TMEM135: variants seen among roughly 807,000 people sequenced by gnomAD.
TMEM135 encodes transmembrane protein 135.
TMEM135 carries 30 observed loss-of-function variants against 60.3 expected under a neutral mutation model. The observed-to-expected ratio is 0.50, with a 90% CI of 0.37 to 0.68. TMEM135 has a LOEUF of 0.68. Among genes scored for constraint, TMEM135 ranks in the 30% least tolerant of loss-of-function variants. TMEM135 has a pLI of 0.00. For missense variants in TMEM135, 468 were observed against 548.8 expected (o/e 0.85, Z 1.47); for synonymous variants, 190 against 186.7 (o/e 1.02, Z -0.14).
At chr11:87,282,391 A>G (rs1443403802) in intron 6 of TMEM135, among the ~76,000 whole-genome samples, 2 of 152,028 alleles carry the variant, frequency 1.3e-5, no homozygotes, top group African/African-American at 4.8e-5. Context: ...CAGCCTCCCA[A>G]GTAGCTGAGA....
At chr11:87,065,126 G>T (rs903716579) in intron 1 of TMEM135, among the ~76,000 whole-genome samples, 6 of 152,008 alleles carry the variant, frequency 3.9e-5, no homozygotes, top group African/African-American at 1.4e-4. Context: ...GGTTTTTGAC[G>T]ATTGCAGACA....
intron 6 of TMEM135, among the ~76,000 whole-genome samples, chr11:87,248,296 G>C (rs369824345): frequency 2.0e-5 from 3 of 152,164 alleles, no homozygotes; most frequent in African/African-American, 7.2e-5. Flanking sequence ...CATAGTGGTT[G>C]TACTAATTTA....
chr11:87,318,893 T>G (rs1942776588), intron 13 of TMEM135, among the ~76,000 whole-genome samples: 1 of 147,350 alleles, frequency 6.8e-6, no homozygotes. Context: ...TTTTTTGAGA[T>G]GGAATTTTGC....
At chr11:87,160,379 A>G (rs762106321) in intron 5 of TMEM135, among the ~76,000 whole-genome samples, 4 of 152,194 alleles carry the variant, frequency 2.6e-5, no homozygotes, top group Non-Finnish European at 5.9e-5. Flanking sequence ...GTGATACTTT[A>G]TCTTTTAAAA....
In TMEM135 at chr11:87,324,292, C is replaced by G. The variant is rs142434402; in HGVS notation, c.*2959C>G. The G allele has an allele frequency of 2.7e-4, 122 of 454,086 alleles. No homozygotes were observed. Among genetic ancestry groups the G allele is most frequent in the Non-Finnish European group, 4.2e-4 (95 of 226,780 alleles). The allele number at this position is 454,086 out of a possible 1,614,324, so 28.1% of individuals were successfully genotyped here. ...TTCGTCCACTTGCCTGTGTCACAACCTCTCCCTTGGTGCTAATTAGGAAGC... is the reference window on the plus strand; with the variant it reads ...TTCGTCCACTTGCCTGTGTCACAACGTCTCCCTTGGTGCTAATTAGGAAGC... On this transcript the variant is annotated 3_prime_UTR_variant, in exon 15 of 15. Transcript: ENST00000305494.
chr11:87,155,174 T>G (rs979300645), intron 4 of TMEM135, among the ~76,000 whole-genome samples: 3 of 152,024 alleles, frequency 2.0e-5, no homozygotes, highest in Non-Finnish European at 4.4e-5. Flanking sequence ...AATTTATGTG[T>G]TTTTAGTAGA....
rs1293704220 is a variant in TMEM135, at chr11:87,323,266, G to A, written c.*1933G>A. ...CATTTTTTTAAATTTTATGTAAAAT[G>A]TAAAATGAAATAGCTATCATGAAGC... On this transcript the variant is annotated 3_prime_UTR_variant, in exon 15 of 15. Transcript: ENST00000305494. The A allele has an allele frequency of 2.2e-6, 1 of 453,652 alleles. No individual in the cohort carries two copies. Among genetic ancestry groups the A allele is most frequent in the East Asian group, 6.9e-5 (1 of 14,394 alleles). 28.1% of individuals were successfully genotyped at this position (453,652 alleles called of 1,614,324 possible). A position where few individuals can be genotyped will look rare whatever the true frequency, so the allele number is the denominator to read the frequency against.
rs1459814699 is a variant in TMEM135, at chr11:87,313,420, A to C, written c.937-5A>C. Reference sequence around the variant, plus strand: ...CTGAAGTCATTGTATTTTCTCCTTAACTAGGGTACTAGTTGCTTCCTGCGC... The same window carrying C: ...CTGAAGTCATTGTATTTTCTCCTTACCTAGGGTACTAGTTGCTTCCTGCGC... On this transcript the variant is annotated splice_region_variant and splice_polypyrimidine_tract_variant and intron_variant, in intron 10 of 14. Transcript: ENST00000305494. The C allele has an allele frequency of 6.2e-6, 10 of 1,609,158 alleles. No individual in the cohort carries two copies. The highest frequency in any genetic ancestry group is 7.7e-6 in the Non-Finnish European group (9 of 1,176,228).
chr11:87,260,801 G>C (rs994196831), intron 6 of TMEM135, among the ~76,000 whole-genome samples: 7 of 151,696 alleles, frequency 4.6e-5, no homozygotes, highest in Non-Finnish European at 8.8e-5. Context: ...TTAATAAACT[G>C]TTACAAATTT....
At chr11:87,317,145 A>G (rs1167082876) in intron 12 of TMEM135, among the ~76,000 whole-genome samples, 8 of 152,054 alleles carry the variant, frequency 5.3e-5, no homozygotes, top group Admixed American at 4.6e-4. Flanking sequence ...ATATAGAAGT[A>G]TAGGATATGG....
rs1211666782 is a variant in TMEM135, at chr11:87,100,659, C to T, written c.396+9264C>T. ...AGTGGATCACCTAAGGTCAGGAGTT[C>T]GAGACCAGCCTGGCCAACATGGTGA... On this transcript the variant is annotated intron_variant, in intron 4 of 14. Transcript: ENST00000305494. 3.9e-5 allele frequency among the ~76,000 whole-genome samples: 6 copies of T among 152,172 alleles called. No individual in the cohort carries two copies. In the East Asian group the frequency reaches 7.7e-4, roughly 20 times the overall value.
chr11:87,109,806 A>C (rs201010382), intron 4 of TMEM135, among the ~76,000 whole-genome samples: 1 of 141,958 alleles, frequency 7.0e-6, no homozygotes, highest in African/African-American at 2.7e-5. Context: ...ACATACTTTG[A>C]AATAATTTAA....
intron 1 of TMEM135, among the ~76,000 whole-genome samples, chr11:87,061,140 A>G (rs902845158): frequency 6.6e-6 from 1 of 152,220 alleles, no homozygotes; most frequent in Non-Finnish European, 1.5e-5. Flanking sequence ...CACAAGTGCT[A>G]TATAAGCATT....
intron 6 of TMEM135, among the ~76,000 whole-genome samples, chr11:87,289,432 C>T (rs1011094335): frequency 1.5e-5 from 2 of 130,536 alleles, no homozygotes; most frequent in African/African-American, 5.8e-5. Flanking sequence ...CAAATATCTC[C>T]ATATCTTTTT....
intron 5 of TMEM135, among the ~76,000 whole-genome samples, chr11:87,162,395 C>G (rs1231668792): frequency 6.6e-6 from 1 of 152,060 alleles, no homozygotes; most frequent in African/African-American, 2.4e-5. Context: ...CGACAGGCCC[C>G]AGTGTTTGAT....
chr11:87,326,807 A>G lies in TMEM135; in HGVS notation c.*5474A>G. ...TCTGAATCTGAGTCGGCAGTTTTTG[A>G]TAGCCTGTCACTGCTCAGGGATAGC... On this transcript the variant is annotated 3_prime_UTR_variant, in exon 15 of 15. Transcript: ENST00000305494. 1 of 445,864 alleles carries G rather than the reference A, an allele frequency of 2.2e-6. No individual in the cohort carries two copies. The highest frequency in any genetic ancestry group is 4.4e-6 in the Non-Finnish European group (1 of 224,866). The allele number at this position is 445,864 out of a possible 1,614,324, so 27.6% of individuals were successfully genotyped here. A position where few individuals can be genotyped will look rare whatever the true frequency, so the allele number is the denominator to read the frequency against.
At chr11:87,162,115 A>G (rs1295470072) in intron 5 of TMEM135, among the ~76,000 whole-genome samples, 1 of 152,210 alleles carries the variant, frequency 6.6e-6, no homozygotes, top group Non-Finnish European at 1.5e-5. Flanking sequence ...AAGCTCAGGT[A>G]ATTTAAATAA....
chr11:87,079,626 A>G (rs1856944051), intron 3 of TMEM135, among the ~76,000 whole-genome samples: 1 of 151,072 alleles, frequency 6.6e-6, no homozygotes, highest in African/African-American at 2.4e-5. Flanking sequence ...TGTATCTTGT[A>G]TCTGCTCTTA....
chr11:87,280,731 T>C (rs1221922793), intron 6 of TMEM135, among the ~76,000 whole-genome samples: 1 of 152,224 alleles, frequency 6.6e-6, no homozygotes, highest in African/African-American at 2.4e-5. Flanking sequence ...CCATCGGCAA[T>C]GGCTGTCCTC....
Sources: gnomAD v4.1 joint callset for allele counts (sites outside exome capture counted in the v4.1 genomes callset) on GRCh38, gnomAD v4.1.1 for gene constraint, MANE v1.5 for transcripts, NCBI Gene and HGNC (gene_info 2026-07-23, HGNC 2026-07-21) for gene names.